Variants in WDR7 observed in about 807,000 individuals in gnomAD.
The protein encoded by WDR7 is WD repeat-containing protein 7.
A neutral mutation model predicts 169.4 loss-of-function variants in WDR7; 46 were observed. The ratio of observed to expected loss-of-function variants is 0.27; its 90% CI spans 0.21 to 0.35. The LOEUF is 0.35. WDR7 is among the 10% of genes least tolerant of loss of function. WDR7 has a pLI of 1.00. For missense variants in WDR7, 1,534 were observed against 1,859.3 expected (o/e 0.83, Z 3.22); for synonymous variants, 612 against 666.8 (o/e 0.92, Z 1.27).
At chr18:56,733,817 G>A (rs1166504068) in intron 14 of WDR7, among the ~76,000 whole-genome samples, 1 of 151,920 alleles carries the variant, frequency 6.6e-6, no homozygotes, top group Non-Finnish European at 1.5e-5. Context: ...TTTATATTAT[G>A]ATAACTTATA....
intron 13 of WDR7, among the ~76,000 whole-genome samples, chr18:56,719,955 A>G (rs189942454): frequency 3.5e-3 from 526 of 152,262 alleles, no homozygotes; most frequent in Middle Eastern, 6.8e-3. Flanking sequence ...GTGCAATTGT[A>G]AGCTTGTGTG....
At chr18:56,857,616 C>T (rs2045742383) in intron 20 of WDR7, among the ~76,000 whole-genome samples, 1 of 152,084 alleles carries the variant, frequency 6.6e-6, no homozygotes, top group Admixed American at 6.6e-5. Flanking sequence ...TATATTTTGC[C>T]AGCATGTAGT....
At chr18:56,908,283 A>C (rs2046506679) in intron 21 of WDR7, among the ~76,000 whole-genome samples, 1 of 152,124 alleles carries the variant, frequency 6.6e-6, no homozygotes, top group Non-Finnish European at 1.5e-5. Context: ...CCTTTCTCTG[A>C]CTTATTTTTA....
intron 14 of WDR7, among the ~76,000 whole-genome samples, chr18:56,732,062 G>A (rs944135949): frequency 9.9e-5 from 15 of 152,282 alleles, no homozygotes; most frequent in African/African-American, 1.4e-4. Context: ...TTCAGAATAC[G>A]TATGATGGTG....
chr18:56,715,628 G>A (rs2026175100), intron 12 of WDR7, among the ~76,000 whole-genome samples: 1 of 152,076 alleles, frequency 6.6e-6, no homozygotes, highest in Non-Finnish European at 1.5e-5. Flanking sequence ...GAGCCCAGGA[G>A]TTCAAGACTA....
At chr18:56,713,372 T>A (rs1035491841) in intron 12 of WDR7, among the ~76,000 whole-genome samples, 4 of 152,216 alleles carry the variant, frequency 2.6e-5, no homozygotes, top group Non-Finnish European at 5.9e-5. Context: ...CCTTGAGTCA[T>A]CCTTTTGAAA....
intron 25 of WDR7, among the ~76,000 whole-genome samples, chr18:56,940,600 A>T (rs2047021338): frequency 6.6e-6 from 1 of 152,202 alleles, no homozygotes; most frequent in African/African-American, 2.4e-5. Flanking sequence ...ATTAAATCTT[A>T]TGCACAATTA....
At chr18:56,761,614 C>T (rs2043981909) in intron 16 of WDR7, among the ~76,000 whole-genome samples, 1 of 152,006 alleles carries the variant, frequency 6.6e-6, no homozygotes, top group Non-Finnish European at 1.5e-5. Flanking sequence ...ACTCATTATA[C>T]ATCAACTTGA....
intron 16 of WDR7, among the ~76,000 whole-genome samples, chr18:56,764,051 G>T (rs1370193667): frequency 8.0e-5 from 12 of 149,970 alleles, no homozygotes; most frequent in Admixed American, 6.6e-4. Flanking sequence ...ACTGGTTTTT[G>T]ATTTGATTAT....
At chr18:56,790,381 T>TA (rs1235253066) in intron 19 of WDR7, among the ~76,000 whole-genome samples, 1 of 152,202 alleles carries the variant, frequency 6.6e-6, no homozygotes, top group African/African-American at 2.4e-5. Flanking sequence ...TATCTCTTTA[T>TA]GTTGATTGGA....
intron 12 of WDR7, among the ~76,000 whole-genome samples, chr18:56,715,765 G>C (rs1172050081): frequency 3.3e-5 from 5 of 152,114 alleles, no homozygotes; most frequent in African/African-American, 4.8e-5. Flanking sequence ...TACTGTTTAG[G>C]CATCATTCTT....
intron 20 of WDR7, among the ~76,000 whole-genome samples, chr18:56,828,754 C>G (rs926393972): frequency 1.3e-5 from 2 of 151,922 alleles, no homozygotes; most frequent in Admixed American, 1.3e-4. Context: ...CACGGTGTAC[C>G]ACAGCAAAAT....
At chr18:56,797,931 C>T (rs2044611718) in intron 19 of WDR7, among the ~76,000 whole-genome samples, 1 of 152,212 alleles carries the variant, frequency 6.6e-6, no homozygotes. Context: ...TCAAACCTAT[C>T]ATCTTTACCT....
At chr18:56,701,964 C>G (rs1329757122) in intron 12 of WDR7, among the ~76,000 whole-genome samples, 4 of 152,158 alleles carry the variant, frequency 2.6e-5, no homozygotes, top group African/African-American at 9.7e-5. Flanking sequence ...AAAATTTACA[C>G]AACACAGCGT....
At chr18:56,916,265 C>A (rs1271958921) in intron 21 of WDR7, among the ~76,000 whole-genome samples, 3 of 151,558 alleles carry the variant, frequency 2.0e-5, no homozygotes, top group East Asian at 1.9e-4. Context: ...TATCCCTCCC[C>A]CCTCCCGCCA....
intron 21 of WDR7, among the ~76,000 whole-genome samples, chr18:56,910,968 T>C (rs2046544145): frequency 6.6e-6 from 1 of 152,212 alleles, no homozygotes; most frequent in Non-Finnish European, 1.5e-5. Flanking sequence ...GAAATATATT[T>C]GCCTTCCCTC....
chr18:57,017,298 G>A (rs114365929), intron 26 of WDR7, among the ~76,000 whole-genome samples: 2 of 152,176 alleles, frequency 1.3e-5, no homozygotes, highest in African/African-American at 4.8e-5. Flanking sequence ...CTGCTTGAGC[G>A]GTGCTTGCTC....
intron 14 of WDR7, chr18:56,753,247 A>T (rs1477982953): frequency 2.6e-5 from 4 of 152,204 alleles, no homozygotes; most frequent in Non-Finnish European, 4.4e-5. Context: ...CAAGTGAAGC[A>T]GTGGGAGTGG....
intron 2 of WDR7, among the ~76,000 whole-genome samples, chr18:56,678,317 G>A (rs575887169): frequency 2.2e-4 from 34 of 152,244 alleles, no homozygotes; most frequent in Non-Finnish European, 4.4e-4. Context: ...TTTCCTGGAT[G>A]GTCTTGATAC....
Sources: gnomAD v4.1 joint callset for allele counts (sites outside exome capture counted in the v4.1 genomes callset) on GRCh38, gnomAD v4.1.1 for gene constraint, MANE v1.5 for transcripts, NCBI Gene and HGNC (gene_info 2026-07-23, HGNC 2026-07-21) for gene names.